The following ME1 variants were observed in gnomAD, a reference collection of about 807,000 sequenced individuals.
ME1 encodes the protein malic enzyme 1.
In ME1, 74 loss-of-function variants were observed where a neutral mutation model predicts 66.4. The ratio of observed to expected loss-of-function variants is 1.11; its 90% CI spans 0.92 to 1.35. The LOEUF is 1.35. ME1 is among the 40% of genes most tolerant of loss of function. ME1 has a pLI of 0.00. For synonymous variants in ME1, 251 were observed against 235.6 expected, an observed-to-expected ratio of 1.07 and a Z score of -0.60; for missense variants, 750 against 694.1, an observed-to-expected ratio of 1.08 and a Z score of -0.90.
chr6:83,387,532 T>A (rs1167820237), intron 3 of ME1, among the ~76,000 whole-genome samples: 3 of 152,002 alleles, frequency 2.0e-5, no homozygotes, highest in Non-Finnish European at 4.4e-5. Context: ...CATGTTTGTA[T>A]ACATCTCCAT....
intron 5 of ME1, among the ~76,000 whole-genome samples, chr6:83,321,089 G>C (rs1392251334): frequency 1.3e-5 from 2 of 152,174 alleles, no homozygotes; most frequent in Non-Finnish European, 2.9e-5. Context: ...GAAGCTGTGA[G>C]GGACCCTGCC....
At chr6:83,230,785 T>C (rs1339182609) in intron 9 of ME1, among the ~76,000 whole-genome samples, 1 of 151,894 alleles carries the variant, frequency 6.6e-6, no homozygotes, top group Non-Finnish European at 1.5e-5. Flanking sequence ...TACAAAAAAT[T>C]AGCTGGGCGT....
At chr6:83,308,186 G>A (rs1767860281) in intron 6 of ME1, among the ~76,000 whole-genome samples, 1 of 151,926 alleles carries the variant, frequency 6.6e-6, no homozygotes, top group Admixed American at 6.6e-5. Flanking sequence ...GTTGAAGGAG[G>A]GTGTAGTATA....
At chr6:83,268,493 C>A (rs1767027617) in intron 6 of ME1, among the ~76,000 whole-genome samples, 1 of 152,032 alleles carries the variant, frequency 6.6e-6, no homozygotes, top group African/African-American at 2.4e-5. Flanking sequence ...CCCAAAAGTT[C>A]TCTTGTGGCC....
chr6:83,243,711 AAAT>A (rs1790556150), intron 7 of ME1, among the ~76,000 whole-genome samples: 1 of 132,130 alleles, frequency 7.6e-6, no homozygotes, highest in Non-Finnish European at 1.5e-5. Flanking sequence ...TTGATCTATT[AAAT>A]AATTGTGTAT....
intron 6 of ME1, among the ~76,000 whole-genome samples, chr6:83,304,841 G>T (rs1767797040): frequency 6.6e-6 from 1 of 152,092 alleles, no homozygotes; most frequent in African/African-American, 2.4e-5. Context: ...AAATTTTGTT[G>T]TAGCTTTAAA....
intron 5 of ME1, among the ~76,000 whole-genome samples, chr6:83,328,973 A>G (rs1768354462): frequency 6.6e-6 from 1 of 152,178 alleles, no homozygotes; most frequent in South Asian, 2.1e-4. Context: ...TACTATTCAC[A>G]TTATCTCAAT....
chr6:83,283,025 G>A (rs1583355997), intron 6 of ME1, among the ~76,000 whole-genome samples: 3 of 150,172 alleles, frequency 2.0e-5, no homozygotes, highest in Non-Finnish European at 4.4e-5. Context: ...TCAGGAGATC[G>A]AGACCATCCT....
intron 7 of ME1, among the ~76,000 whole-genome samples, chr6:83,242,378 T>C (rs1387746958): frequency 6.6e-6 from 1 of 152,196 alleles, no homozygotes; most frequent in Non-Finnish European, 1.5e-5. Flanking sequence ...TATATTTTAG[T>C]AAGGTAGATC....
chr6:83,418,709 A>G (rs2128553190), intron 1 of ME1, among the ~76,000 whole-genome samples: 1 of 152,360 alleles, frequency 6.6e-6, no homozygotes, highest in East Asian at 1.9e-4. Context: ...CCAACGAAAC[A>G]GTGGCTTGTC....
At chr6:83,387,762 T>A (rs1045674064) in intron 3 of ME1, among the ~76,000 whole-genome samples, 2 of 152,166 alleles carry the variant, frequency 1.3e-5, no homozygotes, top group African/African-American at 4.8e-5. Context: ...CTTTTATGCA[T>A]TTTTCAAAGA....
At chr6:83,303,453 T>G (rs371942762) in intron 6 of ME1, among the ~76,000 whole-genome samples, 8 of 152,198 alleles carry the variant, frequency 5.3e-5, no homozygotes, top group Admixed American at 1.3e-4. Context: ...TTGCCAATTG[T>G]CTCTTGAGCT....
chr6:83,294,352 A>AAAT (rs1372407153), intron 6 of ME1, among the ~76,000 whole-genome samples: 5 of 152,118 alleles, frequency 3.3e-5, no homozygotes, highest in African/African-American at 1.2e-4. Flanking sequence ...TGACATTCCA[A>AAAT]CTCTAAGATT....
intron 9 of ME1, among the ~76,000 whole-genome samples, chr6:83,234,190 T>TA (rs374591764): frequency 6.6e-6 from 1 of 152,154 alleles, no homozygotes; most frequent in African/African-American, 2.4e-5. Flanking sequence ...AGATTTCAGG[T>TA]AAAAATGTCA....
chr6:83,305,419 A>G (rs886771080), intron 6 of ME1, among the ~76,000 whole-genome samples: 9 of 152,178 alleles, frequency 5.9e-5, no homozygotes, highest in African/African-American at 2.2e-4. Context: ...AGGTTTCAGT[A>G]TTACATAGGG....
chr6:83,316,965 A>T (rs980471713), intron 5 of ME1, among the ~76,000 whole-genome samples: 6 of 152,160 alleles, frequency 3.9e-5, no homozygotes, highest in South Asian at 2.1e-4. Context: ...AAAATAAAAA[A>T]AAAAGACCAA....
chr6:83,255,278 AGTT>A (rs1205392974), intron 6 of ME1, among the ~76,000 whole-genome samples: 22 of 151,466 alleles, frequency 1.5e-4, no homozygotes, highest in African/African-American at 5.3e-4. Flanking sequence ...CCATTGTTAT[AGTT>A]GTTTTCTTTA....
At chr6:83,424,944 A>G (rs760563701) in intron 1 of ME1, among the ~76,000 whole-genome samples, 3 of 152,180 alleles carry the variant, frequency 2.0e-5, no homozygotes, top group Non-Finnish European at 4.4e-5. Flanking sequence ...AATGCCTAAT[A>G]GTACAATGGA....
At chr6:83,252,853 C>T (rs1790747119) in intron 7 of ME1, among the ~76,000 whole-genome samples, 2 of 152,156 alleles carry the variant, frequency 1.3e-5, no homozygotes, top group South Asian at 4.2e-4. Context: ...AGCAGAATGC[C>T]CTGACATGGA....
Sources: gnomAD v4.1 joint callset for allele counts (sites outside exome capture counted in the v4.1 genomes callset) on GRCh38, gnomAD v4.1.1 for gene constraint, MANE v1.5 for transcripts, NCBI Gene and HGNC (gene_info 2026-07-23, HGNC 2026-07-21) for gene names.